The following AOPEP variants were observed in gnomAD, a reference collection of about 807,000 sequenced individuals.
AOPEP encodes aminopeptidase O.
In AOPEP, 77 loss-of-function variants were observed where a neutral mutation model predicts 98.1. The observed-to-expected ratio is 0.78, with a 90% CI of 0.65 to 0.95. The LOEUF is 0.95. Ranked by LOEUF, AOPEP falls within the 40% of genes least tolerant of loss-of-function variation. The probability of loss-of-function intolerance (pLI) is 0.00; values close to 1 mark genes in which losing one functional copy is unlikely to be tolerated. For missense variants in AOPEP, 1,024 were observed against 1,024.7 expected (o/e 1.00, Z 0.01); for synonymous variants, 346 against 365.3 (o/e 0.95, Z 0.60).
chr9:94,950,398 A>G (rs1437465860), intron 7 of AOPEP, among the ~76,000 whole-genome samples: 1 of 152,174 alleles, frequency 6.6e-6, no homozygotes, highest in Admixed American at 6.5e-5. Context: ...ACCTTTTCAC[A>G]GATGAGGGAG....
chr9:95,114,365 C>A, the AOPEP span: 1 of 499,204 alleles, frequency 2.0e-6, no homozygotes, highest in Non-Finnish European at 3.7e-6. Flanking sequence ...ATTTCAAAAT[C>A]TAAAACCAGA....
chr9:94,984,318 C>T (rs866125206), intron 11 of AOPEP, among the ~76,000 whole-genome samples: 11 of 152,086 alleles, frequency 7.2e-5, no homozygotes, highest in African/African-American at 2.4e-4. Flanking sequence ...CCTGAGCCAC[C>T]GCACCTAGCC....
rs577882829 is a variant in AOPEP at position 94,819,088 on chromosome 9, C to T, written c.1364+18086C>T. ...CCCACCTGGATTAAACTAGACTATC[C>T]AAGCCCTATTTGCCTGGCTTCCAGC... is the stretch of plus-strand genomic sequence containing the variant. On this transcript the variant is annotated intron_variant, in intron 5 of 16. Transcript: ENST00000375315. Among the ~76,000 whole-genome samples the T allele has an allele frequency of 1.1e-4, 17 of 152,336 alleles. No individual in the cohort carries two copies. The South Asian group carries it at 3.3e-3, about 30-fold the overall frequency.
At chr9:94,903,679 T>C (rs965801092) in intron 5 of AOPEP, among the ~76,000 whole-genome samples, 5 of 150,984 alleles carry the variant, frequency 3.3e-5, no homozygotes, top group Non-Finnish European at 7.4e-5. Flanking sequence ...CATGCACCTG[T>C]AGTCCTTGCT....
chr9:95,074,645 A>T lies in AOPEP; in HGVS notation c.2233-6049A>T, dbSNP rs527718086. 2.2e-4 allele frequency among the ~76,000 whole-genome samples: 33 copies of T among 152,356 alleles called. 1 individual carries two copies. The East Asian group carries it at 5.6e-3, about 26-fold the overall frequency. On this transcript the variant is annotated intron_variant, in intron 14 of 16. Coordinates refer to ENST00000375315, the MANE Select transcript of AOPEP (RefSeq NM_001193329.3). ...AAAGTAATTTTTATTGGACTAAAGCATTCAAGGGTGCACACCTGTGTGTTG... is the reference window on the plus strand; with the variant it reads ...AAAGTAATTTTTATTGGACTAAAGCTTTCAAGGGTGCACACCTGTGTGTTG...
chr9:95,085,287 C>A (rs567029494), intron 16 of AOPEP: 1 of 482,684 alleles, frequency 2.1e-6, no homozygotes, highest in South Asian at 1.5e-5. Flanking sequence ...GGGATTACCA[C>A]GCAACCACGA....
chr9:94,801,626 GT>G (rs767750342), intron 5 of AOPEP, among the ~76,000 whole-genome samples: 4 of 152,136 alleles, frequency 2.6e-5, no homozygotes, highest in Non-Finnish European at 5.9e-5. Flanking sequence ...TTGTGTCCTG[GT>G]TTGGTTCCCT....
At chr9:94,776,699 A>G (rs903646240) in intron 3 of AOPEP, among the ~76,000 whole-genome samples, 3 of 152,204 alleles carry the variant, frequency 2.0e-5, no homozygotes, top group Admixed American at 2.0e-4. Context: ...AAGGAATTGG[A>G]TGGGTATTTA....
chr9:95,004,236 A>C, intron 11 of AOPEP: 1 of 456,670 alleles, frequency 2.2e-6, no homozygotes, highest in Non-Finnish European at 4.4e-6. Flanking sequence ...GCGGATGAGA[A>C]GGCCTTTGGC....
At chr9:95,034,960 C>A (rs1401217103) in intron 13 of AOPEP, among the ~76,000 whole-genome samples, 2 of 141,788 alleles carry the variant, frequency 1.4e-5, no homozygotes, top group African/African-American at 5.2e-5. Flanking sequence ...TGAAAGAAAA[C>A]CATTTCTTTT....
chr9:94,995,862 A>G (rs1411413870), intron 11 of AOPEP, among the ~76,000 whole-genome samples: 1 of 152,216 alleles, frequency 6.6e-6, no homozygotes, highest in African/African-American at 2.4e-5. Flanking sequence ...CAACTATCAT[A>G]CTGGTGAGCA....
At chr9:94,993,696 G>C (rs552087554) in intron 11 of AOPEP, among the ~76,000 whole-genome samples, 1 of 152,278 alleles carries the variant, frequency 6.6e-6, no homozygotes, top group South Asian at 2.1e-4. Context: ...AGATCAGATG[G>C]TTTTCCGTAA....
At position 95,082,640 on chromosome 9, in the gene AOPEP, C is replaced by G. The variant is rs2069962519; in HGVS notation, c.2385C>G (p.Ala795=). ...VSEDARQQQL[A]RRCFERTKEQ... is the part of the protein sequence containing the mutation. ...AGGACGCCAGACAGCAGCAGCTCGC[C>G]CGTAGGTGCTTCGAGCGGACCAAGG... Residue 795 remains alanine, a synonymous_variant, in exon 16 of 17, where the codon GCC becomes GCG. Coordinates refer to ENST00000375315, the MANE Select transcript of AOPEP (RefSeq NM_001193329.3). 2 of 1,614,070 alleles carry G rather than the reference C, an allele frequency of 1.2e-6. No homozygotes were observed. The highest frequency in any genetic ancestry group is 2.7e-5 in the African/African-American group (2 of 74,920).
At chr9:94,767,536 T>C (rs1360972726) in intron 2 of AOPEP, among the ~76,000 whole-genome samples, 2 of 152,236 alleles carry the variant, frequency 1.3e-5, no homozygotes, top group Non-Finnish European at 2.9e-5. Context: ...GGTAACTAGC[T>C]GTGTGACTTC....
intron 1 of AOPEP, among the ~76,000 whole-genome samples, chr9:94,731,231 GT>G (rs1016664290): frequency 9.4e-4 from 135 of 143,206 alleles, no homozygotes; most frequent in Middle Eastern, 3.6e-3. Context: ...TATCCAACTT[GT>G]TTTTTTTTTT....
Position 94,760,058 on chromosome 9 carries a change from C to G in AOPEP, c.275C>G (p.Ser92Cys). 1 of 1,614,160 alleles carries G rather than the reference C, an allele frequency of 6.2e-7. No individual in the cohort carries two copies. The highest frequency in any genetic ancestry group is 1.1e-5 in the South Asian group (1 of 91,080). Residue 92 changes from serine (S) to cysteine (C), a missense_variant, in exon 2 of 17, where the codon TCT becomes TGT. By Grantham distance (112) the Ser-to-Cys change is moderately radical (BLOSUM62 -1). This residue lies in a region of AOPEP where 440 missense variants were observed against 433.8 expected (regional missense o/e 1.01). Transcript: ENST00000375315. ...GTGACAAATGCAAGGACCTTCTCAT[C>G]TGAAATGGAATATAATGATTTTGCA... The part of the protein sequence containing the change: ...IPVTNARTFS[S>C]EMEYNDFAIC...
At chr9:94,838,855 C>T (rs2041930623) in intron 5 of AOPEP, among the ~76,000 whole-genome samples, 1 of 150,192 alleles carries the variant, frequency 6.7e-6, no homozygotes, top group African/African-American at 2.4e-5. Context: ...AGATTGATAC[C>T]TAAGTATTTC....
At chr9:94,756,238 ACT>A (rs1184871681) in intron 1 of AOPEP, among the ~76,000 whole-genome samples, 3 of 139,886 alleles carry the variant, frequency 2.1e-5, no homozygotes, top group South Asian at 2.3e-4. Flanking sequence ...ACAGAGCAAG[ACT>A]CTGTCTCAAA....
At position 94,955,930 on chromosome 9, in the gene AOPEP, T is replaced by G; in HGVS notation, c.1787T>G (p.Leu596Arg). The G allele has an allele frequency of 6.2e-7, 1 of 1,612,796 alleles. No homozygotes were observed. The highest frequency in any genetic ancestry group is 1.1e-5 in the South Asian group (1 of 91,024). Residue 596 changes from leucine (L) to arginine (R), a missense_variant, in exon 9 of 17, where the codon CTT (leucine) becomes CGT (arginine). Leu to Arg is a moderately radical substitution (Grantham distance 102). Coordinates refer to ENST00000375315, the MANE Select transcript of AOPEP (RefSeq NM_001193329.3). ...TAGGGCTACTTCCTTCTTCGGTTTC[T>G]TGCCAAAAGACTTGGAGATGAAACC... ...YLKGYFLLRF[L>R]AKRLGDETYF...
Sources: gnomAD v4.1 joint callset for allele counts (sites outside exome capture counted in the v4.1 genomes callset) on GRCh38, gnomAD v4.1.1 for gene constraint, gnomAD v4.1.1 regional missense constraint, MANE v1.5 for transcripts, NCBI Gene and HGNC (gene_info 2026-07-23, HGNC 2026-07-21) for gene names.